OR8B3: variants seen among roughly 807,000 people sequenced by gnomAD.
The protein encoded by OR8B3 is olfactory receptor 8B3.
For synonymous variants in OR8B3, 102 were observed against 135.4 expected, an observed-to-expected ratio of 0.75 and a Z score of 1.71; for missense variants, 278 against 377.6, an observed-to-expected ratio of 0.74 and a Z score of 2.19.
chr11:124,405,553 C>A, the OR8B3 span, among the ~76,000 whole-genome samples: 1 of 152,172 alleles, frequency 6.6e-6, no homozygotes, highest in Non-Finnish European at 1.5e-5. Flanking sequence ...TTGAAGGGGG[C>A]AAATCTGATG....
rs772498599 is a variant in OR8B3, at chr11:124,397,288, C to T, written c.64G>A (p.Glu22Lys). The change falls in exon 2 of 2, where the codon GAG becomes AAG. Residue 22 changes from glutamate (E) to lysine (K), a missense_variant. Transcript: ENST00000641139. ...FILAGLTDHP[E>K]FQQPLFFLFL... ...AGGAAAAAGAGGGGTTGCTGGAACT[C>T]TGGATGATCTGTTAATCCAGCAAGA... The T allele has an allele frequency of 1.6e-6, 2 of 1,281,760 alleles. No individual in the cohort carries two copies. The highest frequency in any genetic ancestry group is 3.8e-5 in the Admixed American group (2 of 52,470). 79.4% of individuals were successfully genotyped at this position (1,281,760 alleles called of 1,614,324 possible).
At chr11:124,399,215 A>G (rs573623747), upstream of OR8B3, among the ~76,000 whole-genome samples, 1 of 152,316 alleles carries the variant, frequency 6.6e-6, no homozygotes, top group Non-Finnish European at 1.5e-5. Flanking sequence ...ATTTTTGCTA[A>G]TTATAATCCT....
chr11:124,401,222 C>G (rs7120583), upstream of OR8B3, among the ~76,000 whole-genome samples: 61 of 142,484 alleles, frequency 4.3e-4, no homozygotes, highest in South Asian at 3.9e-3. Context: ...TGCAAAGAGA[C>G]AGAGAGAGAG....
chr11:124,399,885 C>CTT (rs35671436), upstream of OR8B3, among the ~76,000 whole-genome samples: 739 of 141,826 alleles, frequency 5.2e-3, 6 homozygotes, highest in African/African-American at 0.017. Flanking sequence ...ACAGAATTCT[C>CTT]TTTTTTTTTT....
the OR8B3 span, among the ~76,000 whole-genome samples, chr11:124,408,395 T>C: frequency 1.1e-4 from 17 of 152,310 alleles, no homozygotes; most frequent in African/African-American, 4.1e-4. Flanking sequence ...TGATGTAAGA[T>C]GTAGTTTTTT....
the OR8B3 span, among the ~76,000 whole-genome samples, chr11:124,409,731 G>A: frequency 3.3e-5 from 5 of 152,304 alleles, no homozygotes; most frequent in South Asian, 1.0e-3. Flanking sequence ...CCAATAGATA[G>A]AATTGTGCAG....
upstream of OR8B3, among the ~76,000 whole-genome samples, chr11:124,403,445 C>T (rs1259340365): frequency 4.0e-5 from 6 of 151,024 alleles, no homozygotes; most frequent in Non-Finnish European, 5.9e-5. Context: ...ACGGGGCGGC[C>T]GGGCAGAGAC....
At chr11:124,400,450 A>G (rs1034767440), upstream of OR8B3, among the ~76,000 whole-genome samples, 2 of 152,202 alleles carry the variant, frequency 1.3e-5, no homozygotes. Context: ...TTTCTAATTA[A>G]AACTTTGCAC....
chr11:124,407,891 G>A, the OR8B3 span, among the ~76,000 whole-genome samples: 1 of 152,112 alleles, frequency 6.6e-6, no homozygotes, highest in African/African-American at 2.4e-5. Context: ...AGACGGACAT[G>A]TTAATAACAT....
upstream of OR8B3, chr11:124,399,053 A>C (rs184434451): frequency 2.0e-5 from 3 of 152,176 alleles, no homozygotes; most frequent in African/African-American, 4.8e-5. Flanking sequence ...TACCATGACA[A>C]ACTCTGCAGG....
chr11:124,395,719 C>T lies in OR8B3; in HGVS notation c.*691G>A, dbSNP rs1162670423. ...CCACTTATTGGAATCCTGAGGTCCA[C>T]ATGTATTATTTCTCTAATCATCCTC... On this transcript the variant is annotated 3_prime_UTR_variant, in exon 2 of 2. Transcript: ENST00000641139. 1 of 152,168 alleles carries T rather than the reference C, an allele frequency of 6.6e-6. No homozygotes were observed. The highest frequency in any genetic ancestry group is 2.4e-5 in the African/African-American group (1 of 41,444). 9.4% of individuals were successfully genotyped at this position (152,168 alleles called of 1,614,324 possible). A position where few individuals can be genotyped will look rare whatever the true frequency, so the allele number is the denominator to read the frequency against.
chr11:124,409,542 G>C, the OR8B3 span, among the ~76,000 whole-genome samples: 1 of 152,218 alleles, frequency 6.6e-6, no homozygotes, highest in South Asian at 2.1e-4. Context: ...GGGCAAATCT[G>C]TATCTTATCT....
the OR8B3 span, chr11:124,404,163 T>G: frequency 6.6e-6 from 1 of 152,146 alleles, no homozygotes; most frequent in East Asian, 1.9e-4. Context: ...GGTGCTTCAT[T>G]CTTATAGCAA....
At chr11:124,405,291 T>C in the OR8B3 span, among the ~76,000 whole-genome samples, 1 of 152,126 alleles carries the variant, frequency 6.6e-6, no homozygotes, top group Non-Finnish European at 1.5e-5. Context: ...TTCCAGATTG[T>C]CCTTCCCTCT....
rs1162864689 is a variant in OR8B3 at position 124,396,657 on chromosome 11, T to G, written c.695A>C (p.Gln232Pro). ...VTSILHIKSTQGRSKAFSTCS... is the reference protein window; with the variant it reads ...VTSILHIKSTPGRSKAFSTCS... ...AGTACTGAAGGCTTTTGATCTTCCT[T>G]GAGTGGATTTGATATGAAGAATGCT... The change falls in exon 2 of 2, where the codon CAA becomes CCA. Residue 232 changes from glutamine to proline, a missense_variant. Physicochemically the swap from Gln to Pro is moderately conservative, Grantham distance 76. Transcript: ENST00000641139. The G allele has an allele frequency of 6.2e-7, 1 of 1,611,648 alleles. No individual in the cohort carries two copies. The highest frequency in any genetic ancestry group is 8.5e-7 in the Non-Finnish European group (1 of 1,179,024).
rs748173486 is a variant in OR8B3 at position 124,397,257 on chromosome 11, A to G, written c.95T>C (p.Leu32Pro). 3 of 1,499,966 alleles carry G rather than the reference A, an allele frequency of 2.0e-6. No individual in the cohort carries two copies. In the African/African-American group the frequency reaches 4.8e-5, roughly 24 times the overall value. 92.9% of individuals were successfully genotyped at this position (1,499,966 alleles called of 1,614,324 possible). Residue 32 changes from leucine to proline, a missense_variant, in exon 2 of 2, where the codon CTA becomes CCA. By Grantham distance (98) the Leu-to-Pro change is moderately conservative. Transcript: ENST00000641139. ...TACCATGGTGACAATGTAGACCACT[A>G]GAAACAGGAAAAAGAGGGGTTGCTG... Reference protein sequence around the residue: ...EFQQPLFFLFLVVYIVTMVGN... With the variant: ...EFQQPLFFLFPVVYIVTMVGN...
In OR8B3 at chr11:124,396,197, T is replaced by C. The variant is rs1430263757; in HGVS notation, c.*213A>G. 5.7e-6 allele frequency: 3 copies of C among 522,768 alleles called. No individual in the cohort carries two copies. Among genetic ancestry groups the C allele is most frequent in the Non-Finnish European group, 1.0e-5 (3 of 299,244 alleles). The allele number at this position is 522,768 out of a possible 1,614,324, so 32.4% of individuals were successfully genotyped here. On this transcript the variant is annotated 3_prime_UTR_variant, in exon 2 of 2. Transcript: ENST00000641139. ...AAAATATCAGTGCATATGTTCCTTT[T>C]ACAAAGATGCCATGACCTATTTAGT...
the OR8B3 span, among the ~76,000 whole-genome samples, chr11:124,405,520 G>A: frequency 6.6e-6 from 1 of 152,270 alleles, no homozygotes; most frequent in East Asian, 1.9e-4. Flanking sequence ...GCTCAACCTC[G>A]AGGGCCCTTC....
upstream of OR8B3, among the ~76,000 whole-genome samples, chr11:124,404,018 C>T (rs1168557249): frequency 6.6e-6 from 1 of 152,164 alleles, no homozygotes; most frequent in Non-Finnish European, 1.5e-5. Context: ...CAGGCTGAGG[C>T]AGGAGAATCA....
Sources: allele counts gnomAD v4.1 joint callset (sites outside exome capture counted in the v4.1 genomes callset), GRCh38; gene constraint gnomAD v4.1.1; transcripts MANE v1.5; gene names NCBI Gene and HGNC (gene_info 2026-07-23, HGNC 2026-07-21).